Variants in SLC38A9 observed in about 807,000 individuals in gnomAD.
The protein encoded by SLC38A9 is solute carrier family 38 member 9.
A neutral mutation model predicts 62.3 loss-of-function variants in SLC38A9; 48 were observed. That is an observed-to-expected ratio of 0.77 (90% CI 0.61 to 0.98). SLC38A9 has a LOEUF of 0.98. Ranked by LOEUF, SLC38A9 falls within the 50% of genes least tolerant of loss-of-function variation. SLC38A9 has a pLI of 0.00. For synonymous variants in SLC38A9, 204 were observed against 227.7 expected (o/e 0.90, Z 0.94); for missense variants, 541 against 679.8 (o/e 0.80, Z 2.27).
At chr5:55,639,784 T>C (rs535392037) in intron 12 of SLC38A9, among the ~76,000 whole-genome samples, 2 of 152,246 alleles carry the variant, frequency 1.3e-5, no homozygotes, top group East Asian at 1.9e-4. Context: ...AAAGAGAGTA[T>C]ATATATTTAC....
intron 12 of SLC38A9, among the ~76,000 whole-genome samples, chr5:55,644,699 G>A (rs1404807136): frequency 4.6e-5 from 7 of 152,110 alleles, no homozygotes; most frequent in East Asian, 1.9e-4. Flanking sequence ...GATTACAGGC[G>A]TGAGCCACCA....
At chr5:55,635,807 A>G in intron 12 of SLC38A9, 150 bp from the exon 13 acceptor site, 1 of 591,832 alleles carries the variant, frequency 1.7e-6, no homozygotes, top group Non-Finnish European at 3.0e-6. Context: ...ATTTGTTCAC[A>G]GAAAGTAGTT....
intron 14 of SLC38A9, among the ~76,000 whole-genome samples, chr5:55,630,016 G>A (rs143234243): frequency 2.0e-5 from 3 of 152,282 alleles, no homozygotes; most frequent in Admixed American, 6.5e-5. Flanking sequence ...CAAAGTGCAC[G>A]ATAGACCAAT....
chr5:55,659,877 T>C (rs1375215909), intron 8 of SLC38A9, among the ~76,000 whole-genome samples: 2 of 151,858 alleles, frequency 1.3e-5, no homozygotes, highest in African/African-American at 4.8e-5. Flanking sequence ...GCCATTCTCC[T>C]GCGTCAGCCT....
chr5:55,644,642 GA>G (rs1746017527), intron 12 of SLC38A9, among the ~76,000 whole-genome samples: 2 of 152,038 alleles, frequency 1.3e-5, no homozygotes. Flanking sequence ...GGCTGGTCTT[GA>G]ACTCTTGACC....
chr5:55,652,737 G>A lies in SLC38A9; in HGVS notation c.758-14C>T. On this transcript the variant is annotated splice_polypyrimidine_tract_variant and intron_variant, in intron 9 of 15. Coordinates refer to ENST00000396865, the MANE Select transcript of SLC38A9 (RefSeq NM_173514.4). ...TTGGACAAATCACTGCAATAGGAAA[G>A]CACCAGATTAAAGAAGATGACAAAA... 2 of 1,591,514 alleles carry A rather than the reference G, an allele frequency of 1.3e-6. No individual in the cohort carries two copies. The highest frequency in any genetic ancestry group is 1.7e-6 in the Non-Finnish European group (2 of 1,170,090).
chr5:55,706,967 G>T, intron 2 of SLC38A9, among the ~76,000 whole-genome samples: 2 of 150,576 alleles, frequency 1.3e-5, no homozygotes, highest in African/African-American at 2.4e-5. Flanking sequence ...TTTGAGACAG[G>T]GTCTCACTCT....
intron 12 of SLC38A9, among the ~76,000 whole-genome samples, chr5:55,644,879 C>G (rs1159248393): frequency 1.3e-5 from 2 of 151,984 alleles, no homozygotes; most frequent in Non-Finnish European, 2.9e-5. Flanking sequence ...CCCCCCACCC[C>G]ACAACAGTCC....
At chr5:55,668,106 A>G (rs35497597) in intron 7 of SLC38A9, among the ~76,000 whole-genome samples, 90,732 of 151,758 alleles carry the variant, frequency 0.6, 27,707 homozygotes, top group South Asian at 0.7. Flanking sequence ...CGGGAAGTCC[A>G]GGCAGCAGTG....
At chr5:55,668,685 T>A (rs1454433758) in intron 7 of SLC38A9, among the ~76,000 whole-genome samples, 1 of 152,264 alleles carries the variant, frequency 6.6e-6, no homozygotes, top group Middle Eastern at 3.2e-3. Context: ...ATAATGCATG[T>A]TTGTTTAGGT....
At chr5:55,655,119 C>T (rs1748172465) in intron 9 of SLC38A9, among the ~76,000 whole-genome samples, 1 of 152,158 alleles carries the variant, frequency 6.6e-6, no homozygotes, top group Non-Finnish European at 1.5e-5. Context: ...GAATCAAAAG[C>T]GTGAGCCACC....
chr5:55,630,765 C>A (rs1743300244), intron 14 of SLC38A9, among the ~76,000 whole-genome samples: 1 of 151,822 alleles, frequency 6.6e-6, no homozygotes, highest in African/African-American at 2.4e-5. Flanking sequence ...GGTATCCATC[C>A]CCTGAAAGTG....
intron 8 of SLC38A9, among the ~76,000 whole-genome samples, chr5:55,664,214 C>A (rs1244298746): frequency 1.3e-5 from 2 of 152,030 alleles, no homozygotes; most frequent in Non-Finnish European, 2.9e-5. Flanking sequence ...AGTATTTGGA[C>A]TGATTTCTAA....
chr5:55,682,010 T>C (rs182651840), intron 3 of SLC38A9, among the ~76,000 whole-genome samples: 1 of 151,984 alleles, frequency 6.6e-6, no homozygotes, highest in Admixed American at 6.6e-5. Flanking sequence ...CCAACTCTTG[T>C]CCTAGACCAT....
intron 3 of SLC38A9, among the ~76,000 whole-genome samples, chr5:55,678,241 A>C (rs1166635559): frequency 6.7e-6 from 1 of 150,212 alleles, no homozygotes; most frequent in Non-Finnish European, 1.5e-5. Flanking sequence ...GGGTTCAAGC[A>C]ATTCTCCTGT....
At chr5:55,705,446 AAAAAAG>A (rs1478682292) in intron 2 of SLC38A9, among the ~76,000 whole-genome samples, 2 of 150,820 alleles carry the variant, frequency 1.3e-5, no homozygotes, top group Admixed American at 1.3e-4. Context: ...TTACAAAAAA[AAAAAAG>A]AAAGAAAGAA....
intron 2 of SLC38A9, among the ~76,000 whole-genome samples, chr5:55,706,091 TG>T (rs1425866795): frequency 2.6e-5 from 4 of 152,142 alleles, no homozygotes; most frequent in Non-Finnish European, 5.9e-5. Flanking sequence ...TTAAACACCA[TG>T]AATCTGTTTT....
chr5:55,684,970 G>A (rs555862688), intron 3 of SLC38A9, among the ~76,000 whole-genome samples: 1 of 152,176 alleles, frequency 6.6e-6, no homozygotes, highest in Non-Finnish European at 1.5e-5. Context: ...TCTGTTTTAA[G>A]CCTCTCAGCT....
At chr5:55,640,188 G>T (rs1466350682) in intron 12 of SLC38A9, among the ~76,000 whole-genome samples, 3 of 152,014 alleles carry the variant, frequency 2.0e-5, no homozygotes, top group African/African-American at 7.2e-5. Context: ...GTTTTGCCAT[G>T]TTGGCCAGGC....
Sources: allele counts gnomAD v4.1 joint callset (sites outside exome capture counted in the v4.1 genomes callset), GRCh38; gene constraint gnomAD v4.1.1; transcripts MANE v1.5; gene names NCBI Gene and HGNC (gene_info 2026-07-23, HGNC 2026-07-21).